Variants in ZMYND10 observed in about 807,000 individuals in gnomAD.
ZMYND10 encodes the protein zinc finger MYND-type containing 10.
Under a neutral mutation model 62.6 loss-of-function variants are expected in ZMYND10, and 52 were observed. The ratio of observed to expected loss-of-function variants is 0.83; its 90% CI spans 0.67 to 1.05. The LOEUF (loss-of-function observed/expected upper bound fraction) is 1.05, where lower values mean the gene tolerates loss of function less well. Ranked by LOEUF, ZMYND10 falls within the 50% of genes least tolerant of loss-of-function variation. ZMYND10 has a pLI of 0.00. For synonymous variants in ZMYND10, 197 were observed against 218.5 expected, an observed-to-expected ratio of 0.90 and a Z score of 0.87; for missense variants, 438 against 543.3, an observed-to-expected ratio of 0.81 and a Z score of 1.93.
In ZMYND10 at chr3:50,345,302, A is replaced by G. The variant is rs1452230378; in HGVS notation, c.93-70T>C. The G allele has an allele frequency of 1.3e-6, 2 of 1,553,270 alleles. No individual in the cohort carries two copies. The highest frequency in any genetic ancestry group is 1.4e-5 in the African/African-American group (1 of 74,058). On this transcript the variant is annotated intron_variant, in intron 1 of 11. Coordinates refer to ENST00000231749, the MANE Select transcript of ZMYND10 (RefSeq NM_015896.4). The surrounding 1 kb of genome is among the most constrained non-coding windows in gnomAD (Gnocchi z 5.0). ...GGAGTGGGGATGGGGGCTGGATCCT[A>G]CTGAAGCCTAACCTGATCCTGAGGG...
At position 50,345,477 on chromosome 3, in the gene ZMYND10, G is replaced by C. The variant is rs1177457234; in HGVS notation, c.92+11C>G. On this transcript the variant is annotated intron_variant, in intron 1 of 11. Coordinates refer to ENST00000231749, the MANE Select transcript of ZMYND10 (RefSeq NM_015896.4). The surrounding 1 kb of genome is among the most constrained non-coding windows in gnomAD (Gnocchi z 5.0). Reference sequence around the variant, plus strand: ...ATGACTCCGGGACTCCGCCTGACCCGGGTGCCTCACCCTTCGGAGCCCATC... The same window carrying C: ...ATGACTCCGGGACTCCGCCTGACCCCGGTGCCTCACCCTTCGGAGCCCATC... The C allele has an allele frequency of 2.5e-6, 4 of 1,589,972 alleles. No individual in the cohort carries two copies. In the South Asian group the frequency reaches 3.4e-5, roughly 14 times the overall value.
Position 50,341,491 on chromosome 3 carries a change from G to C in ZMYND10, c.1248-6C>G. 1.2e-6 allele frequency: 2 copies of C among 1,614,264 alleles called. No homozygotes were observed. The highest frequency in any genetic ancestry group is 8.5e-7 in the Non-Finnish European group (1 of 1,180,040). On this transcript the variant is annotated splice_region_variant and splice_polypyrimidine_tract_variant and intron_variant, in intron 11 of 11. Transcript: ENST00000231749. ...AGTGCTTGACTTGGCACTCCCTGCA[G>C]GCAGGTGGGTATTGAGGATGGCAAT...
At position 50,341,396 on chromosome 3, in the gene ZMYND10, A is replaced by C. The variant is rs750463550; in HGVS notation, c.*14T>G. On this transcript the variant is annotated 3_prime_UTR_variant, in exon 12 of 12. Coordinates refer to ENST00000231749, the MANE Select transcript of ZMYND10 (RefSeq NM_015896.4). ...CCCTTGGCATGGGTGGTCGGCCCTCAGCAACTGCAGCCCTCATTTGGCTCT... is the reference window on the plus strand; with the variant it reads ...CCCTTGGCATGGGTGGTCGGCCCTCCGCAACTGCAGCCCTCATTTGGCTCT... The C allele has an allele frequency of 6.2e-7, 1 of 1,613,976 alleles. No individual in the cohort carries two copies. Among genetic ancestry groups the C allele is most frequent in the Non-Finnish European group, 8.5e-7 (1 of 1,180,004 alleles).
chr3:50,342,291 A>G (rs989145292), intron 8 of ZMYND10, 106 bp downstream of exon 8: 1 of 1,566,010 alleles, frequency 6.4e-7, no homozygotes, highest in Non-Finnish European at 8.7e-7. Flanking sequence ...TGAAAAGAGC[A>G]CTGGGGTTGA....
In ZMYND10 at chr3:50,345,310, C is replaced by T. The variant is rs1575557024; in HGVS notation, c.93-78G>A. On this transcript the variant is annotated intron_variant, in intron 1 of 11. Coordinates refer to ENST00000231749, the MANE Select transcript of ZMYND10 (RefSeq NM_015896.4). The surrounding 1 kb of genome is among the most constrained non-coding windows in gnomAD (Gnocchi z 5.0). ...GATGGGGGCTGGATCCTACTGAAGC[C>T]TAACCTGATCCTGAGGGGACACAGG... 1.6e-5 allele frequency: 25 copies of T among 1,538,162 alleles called. No individual in the cohort carries two copies. The South Asian group carries it at 2.2e-4, about 14-fold the overall frequency.
Position 50,345,459 on chromosome 3 carries a change from C to CG in ZMYND10, c.92+28dup. The CG allele has an allele frequency of 1.9e-6, 3 of 1,565,156 alleles. No homozygotes were observed. The highest frequency in any genetic ancestry group is 2.6e-6 in the Non-Finnish European group (3 of 1,154,578). On this transcript the variant is annotated intron_variant, in intron 1 of 11. Coordinates refer to ENST00000231749, the MANE Select transcript of ZMYND10 (RefSeq NM_015896.4). The surrounding 1 kb of genome is among the most constrained non-coding windows in gnomAD (Gnocchi z 5.0). ...CTCCCCGACTCAAGGACAATGACTC[C>CG]GGGACTCCGCCTGACCCGGGTGCCT...
chr3:50,344,455 A>T (rs1559852113), intron 2 of ZMYND10, among the ~76,000 whole-genome samples: 1 of 150,928 alleles, frequency 6.6e-6, no homozygotes, highest in African/African-American at 2.4e-5. Context: ...AGTAGCTGGG[A>T]TTACAGGTGT....
chr3:50,341,283 G>T lies in ZMYND10; in HGVS notation c.*127C>A. 2.5e-6 allele frequency: 3 copies of T among 1,180,918 alleles called. No individual in the cohort carries two copies. The highest frequency in any genetic ancestry group is 3.6e-6 in the Non-Finnish European group (3 of 832,912). The allele number at this position is 1,180,918 out of a possible 1,614,324, so 73.2% of individuals were successfully genotyped here. A position where few individuals can be genotyped will look rare whatever the true frequency, so the allele number is the denominator to read the frequency against. The stretch of plus-strand genomic sequence containing the variant: ...AGGGAGATCGGTCAGCAGCTTTACC[G>T]CCCGCTCTGCTCTCCACTGCGGAGA... On this transcript the variant is annotated 3_prime_UTR_variant, in exon 12 of 12. Coordinates refer to ENST00000231749, the MANE Select transcript of ZMYND10 (RefSeq NM_015896.4).
At chr3:50,344,688 C>T (rs963769136) in intron 2 of ZMYND10, among the ~76,000 whole-genome samples, 5 of 150,620 alleles carry the variant, frequency 3.3e-5, no homozygotes, top group African/African-American at 1.2e-4. Flanking sequence ...GTCCATGTTC[C>T]AGCCAGGCAT....
chr3:50,343,476 C>A, intron 4 of ZMYND10, 32 bp from the exon 5 acceptor site: 3 of 1,613,498 alleles, frequency 1.9e-6, no homozygotes, highest in South Asian at 1.1e-5. Context: ...CTTTCTGTGT[C>A]TGATGCCTTC....
chr3:50,342,575 G>T lies in ZMYND10; in HGVS notation c.701-6C>A, dbSNP rs1257585504. 1 of 1,610,610 alleles carries T rather than the reference G, an allele frequency of 6.2e-7. No individual in the cohort carries two copies. Among genetic ancestry groups the T allele is most frequent in the South Asian group, 1.1e-5 (1 of 90,864 alleles). On this transcript the variant is annotated splice_region_variant and splice_polypyrimidine_tract_variant and intron_variant, in intron 7 of 11. Transcript: ENST00000231749. ...CTCGAACTGCTGCAGCTTGCCTGGGGAGAGGAACCAGCACACTGGGTGCAG... is the reference window on the plus strand; with the variant it reads ...CTCGAACTGCTGCAGCTTGCCTGGGTAGAGGAACCAGCACACTGGGTGCAG...
chr3:50,343,380 G>C lies in ZMYND10; in HGVS notation c.437C>G (p.Thr146Ser). 6.2e-7 allele frequency: 1 copy of C among 1,613,768 alleles called. No individual in the cohort carries two copies. Among genetic ancestry groups the C allele is most frequent in the Non-Finnish European group, 8.5e-7 (1 of 1,179,820 alleles). The stretch of plus-strand genomic sequence containing the variant: ...ACAGCCACTCTGGGCCACCAGCAGG[G>C]TCAGTTTGCGGTGGCAATAGTCTAC... ...DLVDYCHRKL[T>S]LLVAQSGCGG... The change falls in exon 5 of 12, where the codon ACC becomes AGC. Residue 146 changes from threonine to serine, a missense_variant. By Grantham distance (58) the Thr-to-Ser change is moderately conservative. Transcript: ENST00000231749.
At chr3:50,344,123 A>C in intron 2 of ZMYND10, 4 of 455,382 alleles carry the variant, frequency 8.8e-6, no homozygotes, top group South Asian at 2.2e-5. Context: ...CTGCACCCTT[A>C]TCCTCTGCCC....
Position 50,345,668 on chromosome 3 carries a change from G to A in ZMYND10, c.-89C>T. ...GACGACGGACCCCGACGGTGCCAAA[G>A]TCTGGGACAGGACAGTTGCGGGACG... On this transcript the variant is annotated 5_prime_UTR_variant, in exon 1 of 12. Coordinates refer to ENST00000231749, the MANE Select transcript of ZMYND10 (RefSeq NM_015896.4). The surrounding 1 kb of genome is among the most constrained non-coding windows in gnomAD (Gnocchi z 5.0). The A allele has an allele frequency of 6.5e-7, 1 of 1,539,590 alleles. No homozygotes were observed. The highest frequency in any genetic ancestry group is 8.8e-7 in the Non-Finnish European group (1 of 1,142,630).
At chr3:50,342,250 C>T (rs1047861406) in intron 8 of ZMYND10, 110 bp from the exon 9 acceptor site, 3 of 1,578,520 alleles carry the variant, frequency 1.9e-6, no homozygotes, top group Non-Finnish European at 1.7e-6. Flanking sequence ...CCATGTCCCA[C>T]TAGCTGGTGT....
chr3:50,344,101 C>T, intron 2 of ZMYND10: 1 of 508,796 alleles, frequency 2.0e-6, no homozygotes, highest in Non-Finnish European at 3.6e-6. Context: ...GACTGCCTTG[C>T]CCTGCCTGCA....
In ZMYND10 at chr3:50,345,148, C is replaced by T. The variant is rs1311676949; in HGVS notation, c.177G>A (p.Gln59=). Residue 59 remains glutamine, a synonymous_variant, in exon 2 of 12, where the codon CAG becomes CAA. Coordinates refer to ENST00000231749, the MANE Select transcript of ZMYND10 (RefSeq NM_015896.4). The surrounding 1 kb of genome is among the most constrained non-coding windows in gnomAD (Gnocchi z 5.0). The part of the protein sequence containing the change: ...DATVSQGEPI[Q]ELLVTHGKVP... ...CCTTCCCATGGGTGACCAGCAGCTC[C>T]TGAATGGGCTCGCCCTGGCTGACTG... 6.2e-7 allele frequency: 1 copy of T among 1,613,974 alleles called. No homozygotes were observed. The highest frequency in any genetic ancestry group is 8.5e-7 in the Non-Finnish European group (1 of 1,179,956).
At chr3:50,342,338 G>C in intron 8 of ZMYND10, 59 bp downstream of exon 8, 1 of 1,553,820 alleles carries the variant, frequency 6.4e-7, no homozygotes, top group Admixed American at 2.0e-5. Flanking sequence ...GGACGCAGTC[G>C]GGGTAGGATG....
intron 8 of ZMYND10, 122 bp from the exon 9 acceptor site, chr3:50,342,262 T>A (rs1415204574): frequency 2.5e-6 from 4 of 1,574,856 alleles, no homozygotes; most frequent in Non-Finnish European, 3.5e-6. Context: ...AGCTGGTGTG[T>A]CACCTGAGGC....
Sources: allele counts gnomAD v4.1 joint callset (sites outside exome capture counted in the v4.1 genomes callset), GRCh38; gene constraint gnomAD v4.1.1; non-coding constraint Gnocchi (gnomAD v3.1); transcripts MANE v1.5; gene names NCBI Gene and HGNC (gene_info 2026-07-23, HGNC 2026-07-21).